The following XKR5 variants were observed in gnomAD, a reference collection of about 807,000 sequenced individuals.
XKR5 encodes XK-related protein 5.
Under a neutral mutation model 40.8 loss-of-function variants are expected in XKR5, and 46 were observed. The ratio of observed to expected loss-of-function variants is 1.13; its 90% CI spans 0.89 to 1.44. The LOEUF (loss-of-function observed/expected upper bound fraction) is 1.44, where lower values mean the gene tolerates loss of function less well. Among genes scored for constraint, XKR5 ranks in the 40% most tolerant of loss-of-function variants. The pLI, the probability that XKR5 is intolerant of heterozygous loss-of-function variation, is 0.00. For synonymous variants in XKR5, 466 were observed against 356.1 expected (o/e 1.31, Z -3.48); for missense variants, 1,169 against 844.7 (o/e 1.38, Z -4.76).
In XKR5 at chr8:6,835,513, G is replaced by A; in HGVS notation, c.-20C>T. 1.3e-6 allele frequency: 2 copies of A among 1,489,978 alleles called. No individual in the cohort carries two copies. Among genetic ancestry groups the A allele is most frequent in the Non-Finnish European group, 1.8e-6 (2 of 1,125,658 alleles). 92.3% of individuals were successfully genotyped at this position (1,489,978 alleles called of 1,614,324 possible). Reference sequence around the variant, plus strand: ...GTGCATCTTCCGTGCCGACCCCGCAGCCTGCGCCCGCCCCTTCCCCTGCAC... The same window carrying A: ...GTGCATCTTCCGTGCCGACCCCGCAACCTGCGCCCGCCCCTTCCCCTGCAC... On this transcript the variant is annotated 5_prime_UTR_variant, in exon 1 of 7. Transcript: ENST00000618742.
At position 6,811,192 on chromosome 8, in the gene XKR5, C is replaced by G; in HGVS notation, c.*6G>C. Reference sequence around the variant, plus strand: ...AGCCTGTTGTCTTATCCCACCATGACTGTGGTCAGATGAAAAAACTCGGCT... The same window carrying G: ...AGCCTGTTGTCTTATCCCACCATGAGTGTGGTCAGATGAAAAAACTCGGCT... On this transcript the variant is annotated 3_prime_UTR_variant, in exon 7 of 7. Coordinates refer to ENST00000618742, the MANE Select transcript of XKR5 (RefSeq NM_207411.5). 1 of 1,532,306 alleles carries G rather than the reference C, an allele frequency of 6.5e-7. No homozygotes were observed. The highest frequency in any genetic ancestry group is 8.7e-7 in the Non-Finnish European group (1 of 1,143,530). The allele number at this position is 1,532,306 out of a possible 1,614,324, so 94.9% of individuals were successfully genotyped here. A position where few individuals can be genotyped will look rare whatever the true frequency, so the allele number is the denominator to read the frequency against.
At chr8:6,822,518 A>T in intron 4 of XKR5, among the ~76,000 whole-genome samples, 1 of 152,252 alleles carries the variant, frequency 6.6e-6, no homozygotes, top group East Asian at 1.9e-4. Flanking sequence ...AAAAAAGAAT[A>T]ACAAAATAGC....
intron 1 of XKR5, among the ~76,000 whole-genome samples, chr8:6,834,600 G>A (rs1010207469): frequency 1.3e-5 from 2 of 152,222 alleles, no homozygotes; most frequent in African/African-American, 2.4e-5. Flanking sequence ...GCGCGCCTCG[G>A]AAGCAGCGGG....
intron 2 of XKR5, among the ~76,000 whole-genome samples, chr8:6,825,740 G>A (rs556113307): frequency 6.6e-6 from 1 of 152,252 alleles, no homozygotes; most frequent in East Asian, 1.9e-4. Flanking sequence ...GATGTCTGTT[G>A]CAAGGTACTG....
At chr8:6,822,329 T>C (rs1804278418) in intron 4 of XKR5, among the ~76,000 whole-genome samples, 2 of 152,372 alleles carry the variant, frequency 1.3e-5, no homozygotes, top group East Asian at 1.9e-4. Flanking sequence ...ATGACCTTTT[T>C]ATTCCAGAAA....
chr8:6,821,787 C>T, intron 5 of XKR5, 82 bp downstream of exon 5: 1 of 1,296,116 alleles, frequency 7.7e-7, no homozygotes, highest in Non-Finnish European at 1.1e-6. Flanking sequence ...TGCACACACA[C>T]ACACACCCCC....
intron 6 of XKR5, among the ~76,000 whole-genome samples, chr8:6,815,096 G>A (rs1803897242): frequency 1.3e-5 from 2 of 152,212 alleles, no homozygotes; most frequent in Non-Finnish European, 2.9e-5. Context: ...GCAGGTGCTG[G>A]CTTTGACGGT....
chr8:6,818,447 A>C (rs556238636), intron 5 of XKR5, among the ~76,000 whole-genome samples: 1 of 152,314 alleles, frequency 6.6e-6, no homozygotes, highest in African/African-American at 2.4e-5. Context: ...ACCCTCTCAC[A>C]CTGTGGTGTC....
intron 5 of XKR5, among the ~76,000 whole-genome samples, chr8:6,816,921 C>T (rs529621374): frequency 1.1e-4 from 17 of 152,196 alleles, no homozygotes; most frequent in South Asian, 2.1e-4. Context: ...GGAGCTGCTT[C>T]GTAATCCTAT....
chr8:6,830,962 G>A (rs566490296), intron 2 of XKR5, among the ~76,000 whole-genome samples: 3 of 152,334 alleles, frequency 2.0e-5, no homozygotes, highest in South Asian at 4.1e-4. Flanking sequence ...CATGAGGCCT[G>A]AGGGTCCACA....
chr8:6,823,902 T>A (rs1465454434), intron 3 of XKR5, among the ~76,000 whole-genome samples, 172 bp from the exon 4 acceptor site: 1 of 152,190 alleles, frequency 6.6e-6, no homozygotes, highest in Non-Finnish European at 1.5e-5. Context: ...ACATAACAAC[T>A]CTATGTCCAA....
chr8:6,821,795 C>A (rs893148119), intron 5 of XKR5, 74 bp downstream of exon 5: 20 of 1,377,190 alleles, frequency 1.5e-5, no homozygotes, highest in African/African-American at 2.9e-5. Flanking sequence ...CACACACACC[C>A]CCCACACACA....
chr8:6,820,117 G>A (rs1371084990), intron 5 of XKR5, among the ~76,000 whole-genome samples: 2 of 152,224 alleles, frequency 1.3e-5, no homozygotes, highest in Admixed American at 6.5e-5. Context: ...GTTCAGAACC[G>A]AAGGATCCTG....
chr8:6,824,064 C>T (rs574912673), intron 3 of XKR5, among the ~76,000 whole-genome samples: 10 of 152,260 alleles, frequency 6.6e-5, no homozygotes, highest in African/African-American at 2.4e-4. Context: ...TCTAAGTCCT[C>T]TGTATATAAC....
At chr8:6,818,094 C>T (rs533919414) in intron 5 of XKR5, among the ~76,000 whole-genome samples, 3 of 152,344 alleles carry the variant, frequency 2.0e-5, no homozygotes, top group Admixed American at 6.5e-5. Context: ...GGGCTCTTCC[C>T]TATGGCGATA....
chr8:6,812,612 A>T (rs773241856), intron 6 of XKR5, among the ~76,000 whole-genome samples: 30 of 152,206 alleles, frequency 2.0e-4, no homozygotes, highest in Non-Finnish European at 4.1e-4. Flanking sequence ...GCTCCAGTTC[A>T]GTCATCTACG....
chr8:6,811,072 T>G lies in XKR5; in HGVS notation c.*126A>C. 8.2e-6 allele frequency: 8 copies of G among 971,104 alleles called. No homozygotes were observed. The highest frequency in any genetic ancestry group is 1.2e-5 in the Non-Finnish European group (8 of 677,676). 60.2% of individuals were successfully genotyped at this position (971,104 alleles called of 1,614,324 possible). A position where few individuals can be genotyped will look rare whatever the true frequency, so the allele number is the denominator to read the frequency against. On this transcript the variant is annotated 3_prime_UTR_variant, in exon 7 of 7. Transcript: ENST00000618742. ...TTTCTTCATTTTTCAGGGATGCAGA[T>G]GGAGATTCAGAGGTGACAGTGATGT...
intron 2 of XKR5, among the ~76,000 whole-genome samples, chr8:6,828,889 C>T (rs1440860901): frequency 6.6e-6 from 1 of 152,198 alleles, no homozygotes; most frequent in Non-Finnish European, 1.5e-5. Flanking sequence ...CTGCCACATT[C>T]CTGCCATCTA....
intron 1 of XKR5, among the ~76,000 whole-genome samples, chr8:6,834,572 C>T (rs1030354750): frequency 6.6e-6 from 1 of 152,250 alleles, no homozygotes; most frequent in Non-Finnish European, 1.5e-5. Context: ...TGCGCGTCCT[C>T]CGTGTGCGTC....
Sources: allele counts gnomAD v4.1 joint callset (sites outside exome capture counted in the v4.1 genomes callset), GRCh38; gene constraint gnomAD v4.1.1; transcripts MANE v1.5; gene names NCBI Gene and HGNC (gene_info 2026-07-23, HGNC 2026-07-21).